MAP4K4: variants seen among roughly 807,000 people sequenced by gnomAD.
MAP4K4 encodes the protein mitogen-activated protein kinase kinase kinase kinase 4.
MAP4K4 carries 38 observed loss-of-function variants against 189.6 expected under a neutral mutation model. The ratio of observed to expected loss-of-function variants is 0.20; its 90% CI spans 0.15 to 0.26. The LOEUF is 0.26. MAP4K4 is among the 10% of genes least tolerant of loss of function. The pLI, the probability that MAP4K4 is intolerant of heterozygous loss-of-function variation, is 1.00. For missense variants in MAP4K4, 1,054 were observed against 1,726.9 expected (o/e 0.61, Z 6.91); for synonymous variants, 610 against 624.3 (o/e 0.98, Z 0.34).
At chr2:101,731,139 C>G (rs1016695268) in intron 2 of MAP4K4, among the ~76,000 whole-genome samples, 7 of 151,420 alleles carry the variant, frequency 4.6e-5, no homozygotes, top group Non-Finnish European at 1.0e-4. Context: ...TTTTTTGAGA[C>G]ACAGTTTCAT....
intron 2 of MAP4K4, among the ~76,000 whole-genome samples, chr2:101,731,359 G>A (rs1383653247): frequency 6.6e-6 from 1 of 151,774 alleles, no homozygotes; most frequent in African/African-American, 2.4e-5. Flanking sequence ...TAGGTGATCC[G>A]CCTGCCTTGG....
intron 9 of MAP4K4, among the ~76,000 whole-genome samples, chr2:101,837,099 CTT>C (rs76757886): frequency 1.7e-4 from 22 of 133,190 alleles, no homozygotes; most frequent in East Asian, 4.3e-4. Context: ...TACTATATGG[CTT>C]TTTTTTTTTT....
chr2:101,729,756 T>A (rs1018407843), intron 2 of MAP4K4, among the ~76,000 whole-genome samples: 4 of 152,176 alleles, frequency 2.6e-5, no homozygotes, highest in Admixed American at 6.5e-5. Flanking sequence ...CACCACCCGC[T>A]CCTTGATTTG....
At chr2:101,705,616 G>T (rs377113999) in intron 2 of MAP4K4, among the ~76,000 whole-genome samples, 1 of 152,192 alleles carries the variant, frequency 6.6e-6, no homozygotes, top group East Asian at 1.9e-4. Flanking sequence ...TCAAATTGCT[G>T]TAAAAGTTTT....
In MAP4K4 at chr2:101,803,142, G is replaced by A. The variant is rs147187975; in HGVS notation, c.180+12366G>A. On this transcript the variant is annotated intron_variant, in intron 3 of 32. Transcript: ENST00000324219. ...AAATTCAATGCCTAGCATATAGTAG[G>A]CATTTAGTAAACACTGTCGAATGAA... Among the ~76,000 whole-genome samples, 3 of 152,214 alleles carry A rather than the reference G, an allele frequency of 2.0e-5. No homozygotes were observed. In the East Asian group the frequency reaches 5.8e-4, roughly 29 times the overall value.
intron 2 of MAP4K4, among the ~76,000 whole-genome samples, chr2:101,746,660 A>G (rs914561241): frequency 6.6e-6 from 1 of 152,224 alleles, no homozygotes; most frequent in Non-Finnish European, 1.5e-5. Context: ...AACTGTAAAT[A>G]TTGATTTAAG....
chr2:101,797,983 G>A (rs756020865), intron 3 of MAP4K4, among the ~76,000 whole-genome samples: 6 of 138,928 alleles, frequency 4.3e-5, no homozygotes, highest in Admixed American at 7.9e-5. Flanking sequence ...TAGAGTGCAC[G>A]AGTCTAGCTC....
chr2:101,803,283 T>TTG (rs1491181067), intron 3 of MAP4K4, among the ~76,000 whole-genome samples: 2 of 129,866 alleles, frequency 1.5e-5, no homozygotes, highest in African/African-American at 2.8e-5. Flanking sequence ...GTGTGTGTGT[T>TTG]TGTGTGTGTG....
At chr2:101,870,253 C>A in intron 22 of MAP4K4, 42 bp from the exon 23 acceptor site, 2 of 1,601,908 alleles carry the variant, frequency 1.2e-6, no homozygotes, top group Non-Finnish European at 1.7e-6. Context: ...CTCCTTGACT[C>A]CAGAGATTAA....
At chr2:101,784,929 T>C (rs1408597104) in intron 2 of MAP4K4, among the ~76,000 whole-genome samples, 1 of 152,134 alleles carries the variant, frequency 6.6e-6, no homozygotes, top group Non-Finnish European at 1.5e-5. Flanking sequence ...TTGAGGATAA[T>C]GATACTTGCA....
chr2:101,797,237 T>G (rs774002291), intron 3 of MAP4K4: 63 of 1,290,374 alleles, frequency 4.9e-5, no homozygotes, highest in Admixed American at 6.9e-5. Context: ...TATTGTTCTA[T>G]TCTGTTATTC....
chr2:101,726,146 T>C (rs2055260323), intron 2 of MAP4K4, among the ~76,000 whole-genome samples: 1 of 152,262 alleles, frequency 6.6e-6, no homozygotes, highest in Non-Finnish European at 1.5e-5. Flanking sequence ...ACTGTGAAGA[T>C]AAACCAATCA....
intron 2 of MAP4K4, among the ~76,000 whole-genome samples, chr2:101,762,704 T>A (rs2077008222): frequency 2.6e-5 from 4 of 152,194 alleles, no homozygotes; most frequent in Admixed American, 2.6e-4. Flanking sequence ...CCCAAGCATG[T>A]GTTGCACAAA....
exon 33 of MAP4K4, chr2:101,894,496 G>A (rs1045909437): frequency 1.3e-5 from 2 of 152,614 alleles, no homozygotes; most frequent in African/African-American, 4.8e-5. Flanking sequence ...CCCTAATTTT[G>A]CCAATTATTA....
chr2:101,764,232 T>C (rs565524703), intron 2 of MAP4K4, among the ~76,000 whole-genome samples: 1 of 152,234 alleles, frequency 6.6e-6, no homozygotes, highest in Non-Finnish European at 1.5e-5. Flanking sequence ...CAAACATATG[T>C]AGCATTGCAC....
intron 9 of MAP4K4, among the ~76,000 whole-genome samples, chr2:101,839,042 C>G (rs2096844345): frequency 6.6e-6 from 1 of 152,134 alleles, no homozygotes; most frequent in South Asian, 2.1e-4. Flanking sequence ...AAGAAAGGCT[C>G]CTAAATTGGG....
At chr2:101,702,614 T>G (rs190071415) in intron 2 of MAP4K4, among the ~76,000 whole-genome samples, 2 of 152,310 alleles carry the variant, frequency 1.3e-5, no homozygotes, top group African/African-American at 2.4e-5. Flanking sequence ...AGGACAATTC[T>G]GAGTCTTGGA....
intron 7 of MAP4K4, 95 bp downstream of exon 7, chr2:101,831,946 G>A: frequency 1.4e-6 from 2 of 1,411,744 alleles, no homozygotes; most frequent in Non-Finnish European, 1.9e-6. Context: ...TTGTCTGCCT[G>A]CCTTTTCAGG....
At chr2:101,856,102 G>A in exon 13 of MAP4K4, 1 of 1,551,464 alleles carries the variant, frequency 6.4e-7, no homozygotes, top group Non-Finnish European at 8.7e-7. Context: ...AGAGGAGACG[G>A]GCAGAAGAAG....
Sources: gnomAD v4.1 joint callset for allele counts (sites outside exome capture counted in the v4.1 genomes callset) on GRCh38, gnomAD v4.1.1 for gene constraint, MANE v1.5 for transcripts, NCBI Gene and HGNC (gene_info 2026-07-23, HGNC 2026-07-21) for gene names.